Variants in SLC28A3 observed in about 807,000 individuals in gnomAD.
SLC28A3 encodes the protein concentrative Na(+)-nucleoside cotransporter 3.
A neutral mutation model predicts 84.2 loss-of-function variants in SLC28A3; 68 were observed. The ratio of observed to expected loss-of-function variants is 0.81; its 90% CI spans 0.66 to 0.99. The LOEUF is 0.99. Among genes scored for constraint, SLC28A3 ranks in the 50% least tolerant of loss-of-function variants. The pLI, the probability that SLC28A3 is intolerant of heterozygous loss-of-function variation, is 0.00. For synonymous variants in SLC28A3, 267 were observed against 303.6 expected (o/e 0.88, Z 1.25); for missense variants, 712 against 841.5 (o/e 0.85, Z 1.90).
intron 5 of SLC28A3, among the ~76,000 whole-genome samples, chr9:84,300,394 A>G (rs1331921539): frequency 3.9e-5 from 6 of 152,156 alleles, no homozygotes; most frequent in East Asian, 1.9e-4. Context: ...ACCTGCTTCC[A>G]TTTAAGGAAG....
chr9:84,326,580 A>G (rs1826557431), intron 1 of SLC28A3, among the ~76,000 whole-genome samples: 1 of 152,074 alleles, frequency 6.6e-6, no homozygotes, highest in Non-Finnish European at 1.5e-5. Context: ...TTTTCCAATC[A>G]TTCCTGACAT....
intron 1 of SLC28A3, among the ~76,000 whole-genome samples, chr9:84,339,461 G>T (rs1175238742): frequency 3.3e-5 from 5 of 152,096 alleles, no homozygotes; most frequent in African/African-American, 1.2e-4. Context: ...TGTTGGCCAG[G>T]CTGGTCTCAA....
intron 1 of SLC28A3, among the ~76,000 whole-genome samples, chr9:84,320,137 C>A (rs1289194729): frequency 2.8e-4 from 41 of 145,466 alleles, no homozygotes; most frequent in Admixed American, 1.4e-4. Flanking sequence ...GCAACCTCAA[C>A]CTCCCGGGTT....
rs767957215 is a variant in SLC28A3, at chr9:84,276,217, T to G, written c.*2001A>C. On this transcript the variant is annotated 3_prime_UTR_variant, in exon 18 of 18. Coordinates refer to ENST00000376238, the MANE Select transcript of SLC28A3 (RefSeq NM_001199633.2). ...GGATTAAGTATTATCAGTAAAACTT[T>G]AGTGTCTCAACTGAGATATGCAAAC... 10 of 152,154 alleles carry G rather than the reference T, an allele frequency of 6.6e-5. No homozygotes were observed. Among genetic ancestry groups the G allele is most frequent in the Non-Finnish European group, 1.5e-4 (10 of 68,032 alleles). The allele number at this position is 152,154 out of a possible 1,614,324, so 9.4% of individuals were successfully genotyped here. A position where few individuals can be genotyped will look rare whatever the true frequency, so the allele number is the denominator to read the frequency against.
intron 5 of SLC28A3, among the ~76,000 whole-genome samples, chr9:84,301,341 C>G (rs1825624834): frequency 1.1e-5 from 1 of 91,210 alleles, no homozygotes; most frequent in Non-Finnish European, 2.1e-5. Flanking sequence ...CAGAGCAAGA[C>G]TCTGTCTCAA....
In SLC28A3 at chr9:84,279,331, G is replaced by T. The variant is rs1224996397; in HGVS notation, c.1883C>A (p.Ala628Asp). The change falls in exon 17 of 18, where the codon GCC becomes GAC. Residue 628 changes from alanine to aspartate, a missense_variant. By Grantham distance (126) the Ala-to-Asp change is moderately radical. Transcript: ENST00000376238. ...GTTTCCAGGGAAAGTGGAGTTGAAGGCATTCTCTAAAACGTGATGGCAGTT... is the reference window on the plus strand; with the variant it reads ...GTTTCCAGGGAAAGTGGAGTTGAAGTCATTCTCTAAAACGTGATGGCAGTT... ...DINCHHVLEN[A>D]FNSTFPGNTT... The T allele has an allele frequency of 6.2e-7, 1 of 1,613,346 alleles. No homozygotes were observed. The highest frequency in any genetic ancestry group is 1.3e-5 in the African/African-American group (1 of 74,978).
chr9:84,333,710 A>C (rs766429539), intron 1 of SLC28A3, among the ~76,000 whole-genome samples: 29 of 152,190 alleles, frequency 1.9e-4, no homozygotes, highest in Non-Finnish European at 2.9e-5. Context: ...GCAAATTGGT[A>C]AAATCACTTA....
chr9:84,291,005 G>A (rs1825198594), intron 10 of SLC28A3, among the ~76,000 whole-genome samples: 1 of 152,144 alleles, frequency 6.6e-6, no homozygotes, highest in African/African-American at 2.4e-5. Flanking sequence ...GGCAGCCTGC[G>A]GCATGGGGCT....
chr9:84,293,566 G>A (rs1030912566), intron 9 of SLC28A3, among the ~76,000 whole-genome samples: 1 of 152,224 alleles, frequency 6.6e-6, no homozygotes, highest in African/African-American at 2.4e-5. Context: ...CTGTGCTCGT[G>A]TGTGGTGCAT....
chr9:84,367,030 G>A, the SLC28A3 span, among the ~76,000 whole-genome samples: 1 of 152,108 alleles, frequency 6.6e-6, no homozygotes, highest in Admixed American at 6.6e-5. Context: ...GGGCCTCAGG[G>A]AGTAGAATGA....
At chr9:84,310,043 C>A (rs954356150) in intron 2 of SLC28A3, among the ~76,000 whole-genome samples, 2 of 152,134 alleles carry the variant, frequency 1.3e-5, no homozygotes, top group East Asian at 1.9e-4. Context: ...TGTTTTCAGC[C>A]AAGTACTAAA....
chr9:84,326,071 A>G (rs542021355), intron 1 of SLC28A3, among the ~76,000 whole-genome samples: 30 of 152,288 alleles, frequency 2.0e-4, no homozygotes, highest in African/African-American at 7.2e-4. Context: ...TTTTGTCTGC[A>G]TGTATCTGCA....
chr9:84,332,040 G>A (rs541521857), intron 1 of SLC28A3, among the ~76,000 whole-genome samples: 13 of 152,286 alleles, frequency 8.5e-5, no homozygotes, highest in East Asian at 3.9e-4. Context: ...GTGGATGTTC[G>A]TGTGGAAAGC....
At chr9:84,339,992 T>G (rs1476693233) in intron 1 of SLC28A3, among the ~76,000 whole-genome samples, 1 of 152,194 alleles carries the variant, frequency 6.6e-6, no homozygotes, top group East Asian at 1.9e-4. Flanking sequence ...AAAACAGCCC[T>G]GGAAATCCCC....
Position 84,336,482 on chromosome 9 carries a change from C to T in SLC28A3, c.60+4092G>A, listed in dbSNP as rs560706103. 5.3e-5 allele frequency among the ~76,000 whole-genome samples: 8 copies of T among 152,146 alleles called. No individual in the cohort carries two copies. The South Asian group carries it at 6.2e-4, about 12-fold the overall frequency. ...TCATGCCACTGCACTCCAGTCTGGG[C>T]GACAGGGTGAGACTTCATCTCTAAA... On this transcript the variant is annotated intron_variant, in intron 1 of 17. Coordinates refer to ENST00000376238, the MANE Select transcript of SLC28A3 (RefSeq NM_001199633.2).
Position 84,282,562 on chromosome 9 carries a change from C to T in SLC28A3, c.1648-1680G>A, listed in dbSNP as rs577697235. ...GAGGTAGGAGAAGGAACATCCCTTT[C>T]ACGGGGCAGTCAGAGGATGGAAGAT... On this transcript the variant is annotated intron_variant, in intron 14 of 17. Coordinates refer to ENST00000376238, the MANE Select transcript of SLC28A3 (RefSeq NM_001199633.2). 2.0e-5 allele frequency among the ~76,000 whole-genome samples: 3 copies of T among 152,314 alleles called. No individual in the cohort carries two copies. The South Asian group carries it at 6.2e-4, about 32-fold the overall frequency.
At chr9:84,304,089 C>CA (rs1825715038) in intron 4 of SLC28A3, among the ~76,000 whole-genome samples, 1 of 152,214 alleles carries the variant, frequency 6.6e-6, no homozygotes, top group African/African-American at 2.4e-5. Context: ...ATTGATTCTT[C>CA]AGTTGACAGT....
At chr9:84,365,797 T>A in the SLC28A3 span, among the ~76,000 whole-genome samples, 32,580 of 152,154 alleles carry the variant, frequency 0.21, 4,672 homozygotes, top group African/African-American at 0.41. Flanking sequence ...ACACCTGTAA[T>A]CCCAGTACTA....
chr9:84,350,001 A>T, the SLC28A3 span, among the ~76,000 whole-genome samples: 2 of 152,232 alleles, frequency 1.3e-5, no homozygotes, highest in Non-Finnish European at 2.9e-5. Context: ...ATAGCCTAAA[A>T]CACACCTAGG....
Sources: allele counts gnomAD v4.1 joint callset (sites outside exome capture counted in the v4.1 genomes callset), GRCh38; gene constraint gnomAD v4.1.1; transcripts MANE v1.5; gene names NCBI Gene and HGNC (gene_info 2026-07-23, HGNC 2026-07-21).